The following SLC15A5 variants were observed in gnomAD, a reference collection of about 807,000 sequenced individuals.
The protein encoded by SLC15A5 is Peptide/histidine transporter ENSP00000340402.
In SLC15A5, 58 loss-of-function variants were observed where a neutral mutation model predicts 56.1. The observed-to-expected ratio is 1.03, with a 90% CI of 0.84 to 1.29. The LOEUF is 1.29. Among genes scored for constraint, SLC15A5 ranks in the 50% most tolerant of loss-of-function variants. SLC15A5 has a pLI of 0.00. For synonymous variants in SLC15A5, 264 were observed against 250.5 expected (o/e 1.05, Z -0.51); for missense variants, 681 against 672.1 (o/e 1.01, Z -0.15).
chr12:16,237,459 C>T lies in SLC15A5; in HGVS notation c.1162+2222G>A, dbSNP rs1450129026. On this transcript the variant is annotated intron_variant, in intron 5 of 8. Transcript: ENST00000344941. The surrounding 1 kb of genome is among the most constrained non-coding windows in gnomAD (Gnocchi z 4.1). ...AAGTGAGTCTAGTTTTTCCTTTTTC[C>T]TGTGCAATAGGTCTTGTTACCAATC... is the stretch of plus-strand genomic sequence containing the variant. Among the ~76,000 whole-genome samples, 3 of 152,010 alleles carry T rather than the reference C, an allele frequency of 2.0e-5. No individual in the cohort carries two copies. Among genetic ancestry groups the T allele is most frequent in the Non-Finnish European group, 4.4e-5 (3 of 67,982 alleles).
chr12:16,213,803 G>A (rs1034125360), intron 7 of SLC15A5, among the ~76,000 whole-genome samples: 1 of 152,146 alleles, frequency 6.6e-6, no homozygotes, highest in African/African-American at 2.4e-5. Context: ...TTGCTAAGAT[G>A]TCCTCACCAT....
At chr12:16,233,618 C>T (rs1177441950) in intron 5 of SLC15A5, among the ~76,000 whole-genome samples, 2 of 152,168 alleles carry the variant, frequency 1.3e-5, no homozygotes, top group Non-Finnish European at 2.9e-5. Context: ...AACTTTCGTT[C>T]TGGCCTAGAG....
intron 7 of SLC15A5, among the ~76,000 whole-genome samples, chr12:16,211,406 A>G (rs1565659329): frequency 6.6e-6 from 1 of 152,184 alleles, no homozygotes. Flanking sequence ...TTAAACAGCT[A>G]CATTCTTTGC....
At chr12:16,256,950 A>ATAGATAGATAGATAGATAGT (rs1166047909) in intron 3 of SLC15A5, among the ~76,000 whole-genome samples, 7 of 142,230 alleles carry the variant, frequency 4.9e-5, no homozygotes, top group African/African-American at 1.5e-4. Flanking sequence ...AGATAGATAG[A>ATAGATAGATAGATAGATAGT]TAGTTTCTGG....
chr12:16,265,231 G>C (rs11056846), intron 2 of SLC15A5, among the ~76,000 whole-genome samples: 38,701 of 152,024 alleles, frequency 0.25, 5,428 homozygotes, highest in East Asian at 0.49. Context: ...CTGGATGAGA[G>C]CTAAGAGCAA....
At chr12:16,201,867 A>G (rs1863960497) in intron 7 of SLC15A5, among the ~76,000 whole-genome samples, 1 of 152,188 alleles carries the variant, frequency 6.6e-6, no homozygotes, top group South Asian at 2.1e-4. Context: ...AGGAGAAAGT[A>G]CAGTCTCTTC....
chr12:16,233,303 A>C (rs947279668), intron 5 of SLC15A5, among the ~76,000 whole-genome samples: 4 of 152,190 alleles, frequency 2.6e-5, no homozygotes, highest in Non-Finnish European at 5.9e-5. Context: ...AGTACTTCAG[A>C]CTTTGTGAGA....
intron 8 of SLC15A5, among the ~76,000 whole-genome samples, chr12:16,191,828 T>C (rs764329545): frequency 6.6e-6 from 1 of 152,112 alleles, no homozygotes; most frequent in Non-Finnish European, 1.5e-5. Flanking sequence ...GCTTAATCTC[T>C]GGAGGCAAAT....
intron 2 of SLC15A5, among the ~76,000 whole-genome samples, chr12:16,268,356 G>A (rs11056848): frequency 0.025 from 1,245 of 49,538 alleles, 372 homozygotes; most frequent in African/African-American, 0.09. Context: ...GGAAGTGCTT[G>A]TTGTTATTAG....
intron 3 of SLC15A5, among the ~76,000 whole-genome samples, chr12:16,250,086 G>A (rs1864505081): frequency 6.6e-6 from 1 of 151,970 alleles, no homozygotes; most frequent in Non-Finnish European, 1.5e-5. Context: ...AATAGAATGA[G>A]CTCCAGCCTA....
intron 2 of SLC15A5, among the ~76,000 whole-genome samples, chr12:16,259,847 C>G (rs565823915): frequency 6.7e-6 from 1 of 149,744 alleles, no homozygotes; most frequent in East Asian, 2.0e-4. Context: ...TGCATACTTT[C>G]TGGTTGAGAG....
rs146026046 is a variant in SLC15A5, at chr12:16,275,851, G to C, written c.361+1474C>G. On this transcript the variant is annotated intron_variant, in intron 1 of 8. Transcript: ENST00000344941. ...TGCTACTGGTGTGGCCTGTTACCAA[G>C]GTAAGCAGAGTAAGTTAGTCTGGGA... Among the ~76,000 whole-genome samples the C allele has an allele frequency of 2.8e-3, 422 of 151,976 alleles. 1 individual carries two copies. The highest frequency in any genetic ancestry group is 9.3e-3 in the African/African-American group (386 of 41,492).
chr12:16,227,307 T>C (rs2136250779), intron 5 of SLC15A5, among the ~76,000 whole-genome samples: 1 of 152,338 alleles, frequency 6.6e-6, no homozygotes, highest in African/African-American at 2.4e-5. Context: ...TTATCAAGAT[T>C]ATTGGACACA....
chr12:16,230,815 C>T (rs9804730), intron 5 of SLC15A5, among the ~76,000 whole-genome samples: 77,548 of 149,270 alleles, frequency 0.52, 20,615 homozygotes, highest in South Asian at 0.73. Context: ...CCCAGCTACT[C>T]GGGAGGCTGA....
At chr12:16,233,451 T>C (rs1012598098) in intron 5 of SLC15A5, among the ~76,000 whole-genome samples, 1 of 152,322 alleles carries the variant, frequency 6.6e-6, no homozygotes, top group African/African-American at 2.4e-5. Context: ...AGTTTAAAGG[T>C]GTTTTCTATT....
At chr12:16,256,852 C>T (rs953383492) in intron 3 of SLC15A5, among the ~76,000 whole-genome samples, 2 of 103,578 alleles carry the variant, frequency 1.9e-5, no homozygotes, top group Admixed American at 9.7e-5. Context: ...GAGAGAGGCT[C>T]CGTCTCAAAA....
intron 3 of SLC15A5, among the ~76,000 whole-genome samples, chr12:16,250,262 A>G (rs1864506848): frequency 6.6e-6 from 1 of 152,036 alleles, no homozygotes; most frequent in Non-Finnish European, 1.5e-5. Flanking sequence ...GGAATTTCTA[A>G]TTGTGTTTAT....
chr12:16,233,802 C>T (rs568562186), intron 5 of SLC15A5, among the ~76,000 whole-genome samples: 7 of 152,192 alleles, frequency 4.6e-5, no homozygotes, highest in East Asian at 1.9e-4. Flanking sequence ...GGCTCTGCTC[C>T]GGAACTACTG....
In SLC15A5 at chr12:16,257,870, C is replaced by G. The variant is rs749852816; in HGVS notation, c.585G>C (p.Trp195Cys). ...GSQKTMSFFN[W>C]FYWLMNLNAT... ...CATTTAGGTTCATGAGCCAATAAAACCTGGGGTATACAGACAGACAAAAAT... is the reference window on the plus strand; with the variant it reads ...CATTTAGGTTCATGAGCCAATAAAAGCTGGGGTATACAGACAGACAAAAAT... The change falls in exon 3 of 9, where the codon TGG becomes TGC. Residue 195 changes from tryptophan (W) to cysteine (C), a missense_variant and splice_region_variant. Physicochemically the swap from Trp to Cys is radical, Grantham distance 215. Transcript: ENST00000344941. 1 of 1,479,322 alleles carries G rather than the reference C, an allele frequency of 6.8e-7. No individual in the cohort carries two copies. Among genetic ancestry groups the G allele is most frequent in the South Asian group, 1.4e-5 (1 of 72,626 alleles). The allele number at this position is 1,479,322 out of a possible 1,614,324, so 91.6% of individuals were successfully genotyped here. A position where few individuals can be genotyped will look rare whatever the true frequency, so the allele number is the denominator to read the frequency against.
Sources: allele counts gnomAD v4.1 joint callset (sites outside exome capture counted in the v4.1 genomes callset), GRCh38; gene constraint gnomAD v4.1.1; non-coding constraint Gnocchi (gnomAD v3.1); transcripts MANE v1.5; gene names NCBI Gene and HGNC (gene_info 2026-07-23, HGNC 2026-07-21).